Variants in TNN observed in about 807,000 individuals in gnomAD.
The protein encoded by TNN is tenascin-N.
TNN carries 122 observed loss-of-function variants against 134.4 expected under a neutral mutation model. That is an observed-to-expected ratio of 0.91 (90% CI 0.78 to 1.06). The LOEUF is 1.06. Ranked by LOEUF, TNN falls within the 50% of genes least tolerant of loss-of-function variation. The pLI, the probability that TNN is intolerant of heterozygous loss-of-function variation, is 0.00. For synonymous variants in TNN, 710 were observed against 670.3 expected (o/e 1.06, Z -0.91); for missense variants, 1,739 against 1,699.4 (o/e 1.02, Z -0.41).
intron 9 of TNN, among the ~76,000 whole-genome samples, chr1:175,100,900 A>G (rs1674705324): frequency 6.6e-6 from 1 of 152,202 alleles, no homozygotes. Flanking sequence ...TAATATACAT[A>G]TTTATAGGTA....
At chr1:175,137,363 A>AGTGTGTAT (rs1675841093) in intron 17 of TNN, among the ~76,000 whole-genome samples, 1 of 62,606 alleles carries the variant, frequency 1.6e-5, no homozygotes. Flanking sequence ...TCTGCACAGT[A>AGTGTGTAT]GTGTGTGTGT....
chr1:175,104,387 C>T (rs903544493), intron 9 of TNN, among the ~76,000 whole-genome samples: 1 of 145,944 alleles, frequency 6.9e-6, no homozygotes, highest in Non-Finnish European at 1.5e-5. Context: ...CCCAGGGAAC[C>T]TTCATCCTCT....
intron 9 of TNN, among the ~76,000 whole-genome samples, chr1:175,104,224 T>C (rs988393559): frequency 6.9e-6 from 1 of 145,654 alleles, no homozygotes; most frequent in Non-Finnish European, 1.5e-5. Context: ...AGATTAACAC[T>C]GAGAAGGCCG....
At position 175,080,406 on chromosome 1, in the gene TNN, A is replaced by G. The variant is rs1289381449; in HGVS notation, c.1028A>G (p.Gln343Arg). 1.2e-6 allele frequency: 2 copies of G among 1,614,080 alleles called. No homozygotes were observed. The part of the protein sequence containing the change: ...NVKNEVSSSP[Q>R]HLLATTDLAV... ...AAGAATGAAGTTTCTAGCAGCCCAC[A>G]GCATCTACTTGCCACCACAGGTGAG... The change falls in exon 4 of 19, where the codon CAG becomes CGG. Residue 343 changes from glutamine (Q) to arginine (R), a missense_variant. Transcript: ENST00000239462.
At chr1:175,076,368 C>T (rs1674039825) in intron 1 of TNN, among the ~76,000 whole-genome samples, 2 of 152,264 alleles carry the variant, frequency 1.3e-5, no homozygotes, top group African/African-American at 2.4e-5. Context: ...TGACAGTGCT[C>T]CTGCCACAGG....
At chr1:175,116,359 A>G (rs1339177012) in intron 9 of TNN, among the ~76,000 whole-genome samples, 1 of 152,180 alleles carries the variant, frequency 6.6e-6, no homozygotes, top group African/African-American at 2.4e-5. Flanking sequence ...TTTGCTACAT[A>G]TCATTTTTTT....
chr1:175,071,532 C>T (rs1673913166), intron 1 of TNN, among the ~76,000 whole-genome samples: 1 of 152,228 alleles, frequency 6.6e-6, no homozygotes, highest in Non-Finnish European at 1.5e-5. Context: ...AGTGGATCAT[C>T]CTTGGCACCA....
In TNN at chr1:175,080,304, T is replaced by C; in HGVS notation, c.926T>C (p.Val309Ala). Residue 309 changes from valine to alanine, a missense_variant, in exon 4 of 19, where the codon GTG becomes GCG. Coordinates refer to ENST00000239462, the MANE Select transcript of TNN (RefSeq NM_022093.2). ...GAGCTCTCTGGGAAGCAGATCCAAG[T>C]GCCCAAGGAGCAGCACAGCTATGAG... ...GKELSGKQIQ[V>A]PKEQHSYEIL... 1 of 1,614,110 alleles carries C rather than the reference T, an allele frequency of 6.2e-7. No homozygotes were observed. Among genetic ancestry groups the C allele is most frequent in the Non-Finnish European group, 8.5e-7 (1 of 1,180,008 alleles).
chr1:175,105,485 G>C lies in TNN; in HGVS notation c.2119+6890G>C. ...GCTAGGATATGGGGGTAAGCTGAGG[G>C]GTCCTCCTGTGGGATGTAAATTGCA... is the stretch of plus-strand genomic sequence containing the variant. On this transcript the variant is annotated intron_variant, in intron 9 of 18. Transcript: ENST00000239462. 1.4e-5 allele frequency among the ~76,000 whole-genome samples: 2 copies of C among 145,452 alleles called. 1 individual carries two copies. The highest frequency in any genetic ancestry group is 3.0e-5 in the Non-Finnish European group (2 of 65,600).
chr1:175,080,123 C>T (rs762500896), intron 3 of TNN, 40 bp from the exon 4 acceptor site: 1 of 1,606,196 alleles, frequency 6.2e-7, no homozygotes, highest in Non-Finnish European at 8.5e-7. Context: ...GATCGCCTCC[C>T]TTGCTCACCC....
chr1:175,118,816 C>G lies in TNN; in HGVS notation c.2642C>G (p.Ala881Gly). Reference sequence around the variant, plus strand: ...GAGAGCAAGAAGGCTGACACCAAGGCCCAGACAGGTAATAGAAGTGAAGAG... The same window carrying G: ...GAGAGCAAGAAGGCTGACACCAAGGGCCAGACAGGTAATAGAAGTGAAGAG... ...NQESKKADTK[A>G]QTEIDGPKNL... is the part of the protein sequence containing the mutation. The change falls in exon 11 of 19, where the codon GCC (alanine) becomes GGC (glycine). Residue 881 changes from alanine (A) to glycine (G), a missense_variant. Transcript: ENST00000239462. The G allele has an allele frequency of 8.1e-6, 13 of 1,614,124 alleles. No homozygotes were observed. The highest frequency in any genetic ancestry group is 1.1e-5 in the Non-Finnish European group (13 of 1,180,008).
At position 175,084,970 on chromosome 1, in the gene TNN, T is replaced by A. The variant is rs138930708; in HGVS notation, c.1235-435T>A. ...TTGCACCACTGCACTCTAGCCTGAGTGACACAGTGAGATCCTGTCTCTAAT... is the reference window on the plus strand; with the variant it reads ...TTGCACCACTGCACTCTAGCCTGAGAGACACAGTGAGATCCTGTCTCTAAT... On this transcript the variant is annotated intron_variant, in intron 5 of 18. Coordinates refer to ENST00000239462, the MANE Select transcript of TNN (RefSeq NM_022093.2). Among the ~76,000 whole-genome samples the A allele has an allele frequency of 3.3e-3, 495 of 152,246 alleles. 9 individuals carry two copies. Among genetic ancestry groups the A allele is most frequent in the Admixed American group, 0.01 (158 of 15,290 alleles).
At chr1:175,126,740 A>G (rs1028686663) in intron 12 of TNN, among the ~76,000 whole-genome samples, 2 of 152,278 alleles carry the variant, frequency 1.3e-5, no homozygotes, top group Non-Finnish European at 1.5e-5. Context: ...GGACCCACCC[A>G]ACGCCCTGTT....
rs1017944791 is a variant in TNN at position 175,147,286 on chromosome 1, T to C, written c.*215T>C. On this transcript the variant is annotated 3_prime_UTR_variant, in exon 19 of 19. Transcript: ENST00000239462. ...ATCAAAATAGTAGTTGCACAGTATG[T>C]GTAGGAAAGACAGTACTGGAACGGC... The C allele has an allele frequency of 2.6e-5, 11 of 422,372 alleles. No individual in the cohort carries two copies. The highest frequency in any genetic ancestry group is 1.2e-4 in the Admixed American group (3 of 24,504). The allele number at this position is 422,372 out of a possible 1,614,324, so 26.2% of individuals were successfully genotyped here.
chr1:175,129,531 A>T (rs1024742519), intron 15 of TNN, among the ~76,000 whole-genome samples: 1 of 150,764 alleles, frequency 6.6e-6, no homozygotes, highest in Non-Finnish European at 1.5e-5. Context: ...TGAGTTGATC[A>T]TCATCTAGTA....
intron 9 of TNN, among the ~76,000 whole-genome samples, chr1:175,110,391 A>T (rs1234494054): frequency 6.6e-6 from 1 of 151,966 alleles, no homozygotes; most frequent in Non-Finnish European, 1.5e-5. Flanking sequence ...CCATTTGTCT[A>T]TTTTTGCTTT....
intron 4 of TNN, among the ~76,000 whole-genome samples, chr1:175,083,020 G>A (rs1674233507): frequency 6.6e-6 from 1 of 150,706 alleles, no homozygotes; most frequent in African/African-American, 2.4e-5. Context: ...TAAACATTTA[G>A]CCGTTAATAC....
At chr1:175,071,613 G>GT (rs1381927165) in intron 1 of TNN, among the ~76,000 whole-genome samples, 2 of 152,046 alleles carry the variant, frequency 1.3e-5, no homozygotes, top group Non-Finnish European at 2.9e-5. Context: ...TTTTGTTTTT[G>GT]TTTTTGTTTT....
intron 17 of TNN, among the ~76,000 whole-genome samples, chr1:175,139,104 G>A (rs1320443231): frequency 1.3e-5 from 2 of 152,196 alleles, no homozygotes; most frequent in Admixed American, 6.5e-5. Context: ...CGAATGTGAA[G>A]GCCCAGGACA....
Sources: allele counts gnomAD v4.1 joint callset (sites outside exome capture counted in the v4.1 genomes callset), GRCh38; gene constraint gnomAD v4.1.1; transcripts MANE v1.5; gene names NCBI Gene and HGNC (gene_info 2026-07-23, HGNC 2026-07-21).